Variants in SEPTIN7 observed in about 807,000 individuals in gnomAD.
The protein encoded by SEPTIN7 is septin-7.
Under a neutral mutation model 63.3 loss-of-function variants are expected in SEPTIN7, and 10 were observed. The observed-to-expected ratio is 0.16, with a 90% CI of 0.10 to 0.27. SEPTIN7 has a LOEUF of 0.27. Among genes scored for constraint, SEPTIN7 ranks in the 10% least tolerant of loss-of-function variants. SEPTIN7 has a pLI of 1.00. For missense variants in SEPTIN7, 310 were observed against 521.0 expected (o/e 0.59, Z 3.94); for synonymous variants, 131 against 165.3 (o/e 0.79, Z 1.59).
chr7:35,864,422 T>C (rs1012741832), intron 4 of SEPTIN7, among the ~76,000 whole-genome samples: 2 of 152,158 alleles, frequency 1.3e-5, no homozygotes, highest in African/African-American at 2.4e-5. Context: ...ATTCTAGATA[T>C]GTACTTTTTA....
chr7:35,826,901 C>T (rs531155117), intron 1 of SEPTIN7, among the ~76,000 whole-genome samples: 13 of 152,072 alleles, frequency 8.5e-5, no homozygotes, highest in East Asian at 3.9e-4. Flanking sequence ...GGCAAGAGAA[C>T]GTAAAGAATT....
rs1583650386 is a variant in SEPTIN7 at position 35,898,393 on chromosome 7, C to G, written c.1134+10C>G. 6.6e-7 allele frequency: 1 copy of G among 1,519,966 alleles called. No homozygotes were observed. Among genetic ancestry groups the G allele is most frequent in the African/African-American group, 1.4e-5 (1 of 72,634 alleles). The allele number at this position is 1,519,966 out of a possible 1,614,324, so 94.2% of individuals were successfully genotyped here. A position where few individuals can be genotyped will look rare whatever the true frequency, so the allele number is the denominator to read the frequency against. On this transcript the variant is annotated intron_variant, in intron 12 of 13. Coordinates refer to ENST00000350320, the MANE Select transcript of SEPTIN7 (RefSeq NM_001788.6). ...GGACTCTGAAGCTGAGGTAATCAGT[C>G]TAATATCCCATCTCTTAGCAGACAT...
chr7:35,913,342 C>T, the SEPTIN7 span, among the ~76,000 whole-genome samples: 2 of 152,298 alleles, frequency 1.3e-5, no homozygotes, highest in African/African-American at 4.8e-5. Flanking sequence ...TTTGCTGGAA[C>T]CACATCAGGC....
chr7:35,887,472 G>C (rs528704522), intron 10 of SEPTIN7, among the ~76,000 whole-genome samples: 6 of 152,132 alleles, frequency 3.9e-5, no homozygotes, highest in Non-Finnish European at 8.8e-5. Context: ...TCAGCTTCCT[G>C]AGTAGCTGGG....
At chr7:35,866,600 A>G (rs1310237824) in intron 4 of SEPTIN7, among the ~76,000 whole-genome samples, 4 of 152,212 alleles carry the variant, frequency 2.6e-5, no homozygotes, top group Non-Finnish European at 4.4e-5. Context: ...TGTATCTTAA[A>G]GGAGATATTC....
At chr7:35,862,259 G>A (rs1785549155) in intron 3 of SEPTIN7, among the ~76,000 whole-genome samples, 1 of 151,350 alleles carries the variant, frequency 6.6e-6, no homozygotes, top group Non-Finnish European at 1.5e-5. Context: ...TTTGTCCTCT[G>A]TCATCTTGTT....
chr7:35,871,931 T>C (rs1213385134), intron 4 of SEPTIN7, among the ~76,000 whole-genome samples: 1 of 152,186 alleles, frequency 6.6e-6, no homozygotes, highest in East Asian at 1.9e-4. Flanking sequence ...GATACAGAGC[T>C]TGAGATTACA....
At chr7:35,863,316 T>C (rs1187638266) in intron 3 of SEPTIN7, among the ~76,000 whole-genome samples, 1 of 152,150 alleles carries the variant, frequency 6.6e-6, no homozygotes, top group Non-Finnish European at 1.5e-5. Flanking sequence ...TTACTTTTAA[T>C]GAATATAAGT....
intron 9 of SEPTIN7, among the ~76,000 whole-genome samples, chr7:35,884,568 A>G (rs1449266195): frequency 6.6e-6 from 1 of 152,162 alleles, no homozygotes; most frequent in African/African-American, 2.4e-5. Flanking sequence ...AGGGAATCTA[A>G]TGAACCACCT....
intron 1 of SEPTIN7, among the ~76,000 whole-genome samples, chr7:35,807,946 C>G (rs944769810): frequency 1.3e-5 from 2 of 151,994 alleles, no homozygotes; most frequent in Non-Finnish European, 2.9e-5. Context: ...CCTCAGCCTC[C>G]TAAGTAGCTG....
At chr7:35,813,586 G>T (rs1236732498) in intron 1 of SEPTIN7, among the ~76,000 whole-genome samples, 1 of 152,144 alleles carries the variant, frequency 6.6e-6, no homozygotes, top group Non-Finnish European at 1.5e-5. Context: ...TGTTGACCAA[G>T]CTGGTCTCAA....
At chr7:35,810,565 C>T (rs566634170) in intron 1 of SEPTIN7, among the ~76,000 whole-genome samples, 184 of 152,162 alleles carry the variant, frequency 1.2e-3, no homozygotes, top group Non-Finnish European at 2.0e-3. Flanking sequence ...CCTCATGATC[C>T]GCCCGCCTTG....
chr7:35,882,232 G>C (rs746704425), intron 7 of SEPTIN7, among the ~76,000 whole-genome samples: 7 of 151,146 alleles, frequency 4.6e-5, no homozygotes, highest in Non-Finnish European at 8.9e-5. Flanking sequence ...AACTCTTTTG[G>C]TATGACAGCT....
intron 6 of SEPTIN7, among the ~76,000 whole-genome samples, chr7:35,874,271 G>T (rs143077147): frequency 6.6e-6 from 1 of 152,038 alleles, no homozygotes; most frequent in African/African-American, 2.4e-5. Context: ...TGTCATAGAC[G>T]TGTTGTTCAG....
intron 1 of SEPTIN7, among the ~76,000 whole-genome samples, chr7:35,809,355 A>ATAG (rs1441931465): frequency 6.6e-6 from 1 of 152,250 alleles, no homozygotes. Context: ...AGTAAATGAG[A>ATAG]TAGTACATGA....
At chr7:35,851,966 A>G (rs1214123527) in intron 3 of SEPTIN7, among the ~76,000 whole-genome samples, 2 of 152,126 alleles carry the variant, frequency 1.3e-5, no homozygotes, top group Non-Finnish European at 1.5e-5. Context: ...TTACTCTTCT[A>G]CTTTACCCCC....
intron 4 of SEPTIN7, among the ~76,000 whole-genome samples, chr7:35,872,115 G>A (rs1786189246): frequency 6.6e-6 from 1 of 152,102 alleles, no homozygotes; most frequent in South Asian, 2.1e-4. Context: ...TTGGATCCTA[G>A]CCATAACATA....
intron 1 of SEPTIN7, among the ~76,000 whole-genome samples, chr7:35,825,134 C>G (rs1783434902): frequency 6.6e-6 from 1 of 152,138 alleles, no homozygotes; most frequent in Non-Finnish European, 1.5e-5. Context: ...AGTTCATCAT[C>G]AATATTCTTG....
chr7:35,868,335 G>A (rs1477577240), intron 4 of SEPTIN7, among the ~76,000 whole-genome samples: 1 of 152,096 alleles, frequency 6.6e-6, no homozygotes, highest in Non-Finnish European at 1.5e-5. Flanking sequence ...TTGACAGCTG[G>A]TCCAGTTTTG....
Sources: allele counts gnomAD v4.1 joint callset (sites outside exome capture counted in the v4.1 genomes callset), GRCh38; gene constraint gnomAD v4.1.1; transcripts MANE v1.5; gene names NCBI Gene and HGNC (gene_info 2026-07-23, HGNC 2026-07-21).